Variants in CNTNAP2 observed in about 807,000 individuals in gnomAD.
The protein encoded by CNTNAP2 is contactin associated protein 2.
CNTNAP2 carries 98 observed loss-of-function variants against 155.2 expected under a neutral mutation model. That is an observed-to-expected ratio of 0.63 (90% CI 0.54 to 0.75). The LOEUF (loss-of-function observed/expected upper bound fraction) is 0.75. Among genes scored for constraint, CNTNAP2 ranks in the 30% least tolerant of loss-of-function variants. The probability of loss-of-function intolerance (pLI) is 0.00; values close to 1 mark genes in which losing one functional copy is unlikely to be tolerated. For synonymous variants in CNTNAP2, 651 were observed against 631.2 expected, an observed-to-expected ratio of 1.03 and a Z score of -0.47; for missense variants, 1,727 against 1,688.1, an observed-to-expected ratio of 1.02 and a Z score of -0.40.
chr7:147,830,156 T>G (rs1171750464), intron 13 of CNTNAP2, among the ~76,000 whole-genome samples: 1 of 99,238 alleles, frequency 1.0e-5, no homozygotes. Context: ...TCCATTCGGG[T>G]TGCTATTAAA....
intron 3 of CNTNAP2, among the ~76,000 whole-genome samples, chr7:147,028,496 G>T (rs1423337956): frequency 6.6e-6 from 1 of 152,174 alleles, no homozygotes; most frequent in Non-Finnish European, 1.5e-5. Context: ...AAGGAATACA[G>T]GGGCACCGTA....
At chr7:147,635,125 C>T (rs1321216382) in intron 12 of CNTNAP2, among the ~76,000 whole-genome samples, 2 of 151,034 alleles carry the variant, frequency 1.3e-5, no homozygotes, top group Non-Finnish European at 2.9e-5. Context: ...TCCCCATTCA[C>T]AGGGTCTATA....
intron 3 of CNTNAP2, among the ~76,000 whole-genome samples, chr7:147,013,467 A>G (rs1425874445): frequency 6.6e-6 from 1 of 152,128 alleles, no homozygotes; most frequent in Non-Finnish European, 1.5e-5. Flanking sequence ...CTCACAAAAT[A>G]TACTGTCCCT....
chr7:148,026,531 C>A (rs1324699583), intron 15 of CNTNAP2, among the ~76,000 whole-genome samples: 5 of 152,106 alleles, frequency 3.3e-5, no homozygotes, highest in Non-Finnish European at 7.4e-5. Context: ...AAGTGAGACA[C>A]AACCTGAGTA....
chr7:146,408,308 G>A (rs1177539848), intron 1 of CNTNAP2, among the ~76,000 whole-genome samples: 1 of 152,062 alleles, frequency 6.6e-6, no homozygotes, highest in African/African-American at 2.4e-5. Flanking sequence ...TTGAGTTAAG[G>A]ATGATTTAGT....
At chr7:146,938,698 T>G (rs911671595) in intron 3 of CNTNAP2, among the ~76,000 whole-genome samples, 17 of 152,110 alleles carry the variant, frequency 1.1e-4, no homozygotes, top group African/African-American at 4.1e-4. Context: ...AAAGTATTTT[T>G]GAAATGTCTT....
In CNTNAP2 at chr7:148,296,164, T is replaced by C. The variant is rs567237511; in HGVS notation, c.3475+29038T>C. On this transcript the variant is annotated intron_variant, in intron 21 of 23. Coordinates refer to ENST00000361727, the MANE Select transcript of CNTNAP2 (RefSeq NM_014141.6). ...ACAGGTATCTCTTCATGAAGCTTTC[T>C]CCAATTTTTGTTCTCAGGCACCACT... Among the ~76,000 whole-genome samples, 4 of 152,276 alleles carry C rather than the reference T, an allele frequency of 2.6e-5. No homozygotes were observed. The East Asian group carries it at 7.7e-4, about 29-fold the overall frequency.
At position 147,970,160 on chromosome 7, in the gene CNTNAP2, C is replaced by A. The variant is rs561119773; in HGVS notation, c.2256-7702C>A. Reference sequence around the variant, plus strand: ...GCCCAAGATAGTCTTGAATTCCCACCTCAGCCTCCCAAAGTGCTGGGATTA... The same window carrying A: ...GCCCAAGATAGTCTTGAATTCCCACATCAGCCTCCCAAAGTGCTGGGATTA... On this transcript the variant is annotated intron_variant, in intron 14 of 23. Transcript: ENST00000361727. Among the ~76,000 whole-genome samples the A allele has an allele frequency of 4.6e-5, 7 of 152,058 alleles. No individual in the cohort carries two copies. In the East Asian group the frequency reaches 1.4e-3, roughly 30 times the overall value.
intron 13 of CNTNAP2, among the ~76,000 whole-genome samples, chr7:147,799,975 G>T (rs1371336780): frequency 1.1e-4 from 16 of 152,138 alleles, no homozygotes; most frequent in Non-Finnish European, 2.4e-4. Flanking sequence ...TACTTAACAG[G>T]CCTCTGTCAT....
At chr7:148,158,802 A>G (rs1407664631) in intron 17 of CNTNAP2, among the ~76,000 whole-genome samples, 1 of 152,228 alleles carries the variant, frequency 6.6e-6, no homozygotes, top group Non-Finnish European at 1.5e-5. Context: ...CCACTTTTGC[A>G]ATCAATATGG....
At chr7:147,494,078 T>C (rs758735485) in intron 11 of CNTNAP2, among the ~76,000 whole-genome samples, 58 of 147,810 alleles carry the variant, frequency 3.9e-4, no homozygotes, top group South Asian at 8.8e-4. Flanking sequence ...TAATGGCAAG[T>C]GATGTCACTT....
chr7:147,446,665 T>C (rs1797746125), intron 10 of CNTNAP2, among the ~76,000 whole-genome samples: 1 of 152,340 alleles, frequency 6.6e-6, no homozygotes, highest in South Asian at 2.1e-4. Flanking sequence ...CATTATTGAA[T>C]TAGACTAAGC....
At chr7:148,220,671 G>C (rs1795732451) in intron 19 of CNTNAP2, among the ~76,000 whole-genome samples, 1 of 151,260 alleles carries the variant, frequency 6.6e-6, no homozygotes, top group African/African-American at 2.4e-5. Context: ...AAAAGTGTTT[G>C]GTTGGATTGT....
intron 9 of CNTNAP2, among the ~76,000 whole-genome samples, chr7:147,390,604 T>C (rs148612508): frequency 1.3e-5 from 2 of 152,056 alleles, no homozygotes; most frequent in African/African-American, 4.8e-5. Context: ...CCTAGGTGCC[T>C]CTCCATCTTA....
chr7:148,013,285 T>C (rs1173186388), intron 15 of CNTNAP2: 1 of 152,174 alleles, frequency 6.6e-6, no homozygotes. Context: ...TCACTAAACC[T>C]CTAAGTAAGC....
chr7:146,593,465 G>A (rs544084887), intron 1 of CNTNAP2, among the ~76,000 whole-genome samples: 4 of 151,984 alleles, frequency 2.6e-5, no homozygotes, highest in Non-Finnish European at 4.4e-5. Flanking sequence ...TCTTAGCCCC[G>A]TTCTTAAATT....
chr7:146,140,078 C>T (rs1797855864), intron 1 of CNTNAP2, among the ~76,000 whole-genome samples: 1 of 152,098 alleles, frequency 6.6e-6, no homozygotes, highest in Non-Finnish European at 1.5e-5. Context: ...GTGTCCCTCC[C>T]ACCCTTTCAT....
rs571225601 is a variant in CNTNAP2 at position 146,143,003 on chromosome 7, G to T, written c.97+26030G>T. On this transcript the variant is annotated intron_variant, in intron 1 of 23. Transcript: ENST00000361727. ...TGCCTTTTTGGTATTTTTCCTTTTAGGGAATAAATAAAATCAAGCCTCTCA... is the reference window on the plus strand; with the variant it reads ...TGCCTTTTTGGTATTTTTCCTTTTATGGAATAAATAAAATCAAGCCTCTCA... 3.0e-4 allele frequency among the ~76,000 whole-genome samples: 46 copies of T among 152,136 alleles called. No individual in the cohort carries two copies. In the East Asian group the frequency reaches 8.2e-3, roughly 27 times the overall value.
At chr7:146,954,752 CTT>C (rs1223084089) in intron 3 of CNTNAP2, among the ~76,000 whole-genome samples, 1 of 151,894 alleles carries the variant, frequency 6.6e-6, no homozygotes, top group African/African-American at 2.4e-5. Flanking sequence ...CTCTCTTACA[CTT>C]TCTTTCAAAC....
Sources: allele counts gnomAD v4.1 joint callset (sites outside exome capture counted in the v4.1 genomes callset), GRCh38; gene constraint gnomAD v4.1.1; transcripts MANE v1.5; gene names NCBI Gene and HGNC (gene_info 2026-07-23, HGNC 2026-07-21).